ACOX3: variants seen among roughly 807,000 people sequenced by gnomAD.
The protein encoded by ACOX3 is peroxisomal acyl-coenzyme A oxidase 3.
In ACOX3, 73 loss-of-function variants were observed where a neutral mutation model predicts 81.5. The ratio of observed to expected loss-of-function variants is 0.90; its 90% CI spans 0.74 to 1.09. The LOEUF is 1.09. Among genes scored for constraint, ACOX3 ranks in the 50% least tolerant of loss-of-function variants. The probability of loss-of-function intolerance (pLI) is 0.00; values close to 1 mark genes in which losing one functional copy is unlikely to be tolerated. For missense variants in ACOX3, 947 were observed against 928.0 expected (o/e 1.02, Z -0.27); for synonymous variants, 387 against 375.1 (o/e 1.03, Z -0.37).
intron 5 of ACOX3, among the ~76,000 whole-genome samples, chr4:8,411,670 C>A (rs990990228): frequency 2.0e-5 from 3 of 152,258 alleles, no homozygotes; most frequent in African/African-American, 7.2e-5. Context: ...TTCCCACTGT[C>A]TCGACTGTCT....
chr4:8,413,118 T>C lies in ACOX3; in HGVS notation c.543+1174A>G, dbSNP rs1340687920. Among the ~76,000 whole-genome samples, 12 of 112,912 alleles carry C rather than the reference T, an allele frequency of 1.1e-4. 1 individual carries two copies. The highest frequency in any genetic ancestry group is 3.2e-4 in the African/African-American group (9 of 27,732). The allele number at this position is 112,912 out of a possible 152,430, so 74.1% of individuals were successfully genotyped here. ...CCAGGGCATCCATCTGTGGCCCATC[T>C]CACTGCACCCCTGCGCCCCTCCACA... On this transcript the variant is annotated intron_variant, in intron 5 of 17. Transcript: ENST00000356406.
chr4:8,427,845 G>T (rs1333254226), intron 1 of ACOX3, among the ~76,000 whole-genome samples: 3 of 152,192 alleles, frequency 2.0e-5, no homozygotes, highest in Non-Finnish European at 4.4e-5. Flanking sequence ...GGCGACACCT[G>T]GCTAGTGCCC....
In ACOX3 at chr4:8,410,276, A is replaced by G; in HGVS notation, c.623T>C (p.Val208Ala). The change falls in exon 6 of 18, where the codon GTG (valine) becomes GCG (alanine). Residue 208 changes from valine to alanine, a missense_variant. Transcript: ENST00000356406. ...TGGCACACACAGCTTAGCAAACACCACCGCGTGAGTGGCTGTCTTGCCCAT... is the reference window on the plus strand; with the variant it reads ...TGGCACACACAGCTTAGCAAACACCGCCGCGTGAGTGGCTGTCTTGCCCAT... Reference protein sequence around the residue: ...GNMGKTATHAVVFAKLCVPGD... With the variant: ...GNMGKTATHAAVFAKLCVPGD... 1 of 1,614,110 alleles carries G rather than the reference A, an allele frequency of 6.2e-7. No individual in the cohort carries two copies. The highest frequency in any genetic ancestry group is 8.5e-7 in the Non-Finnish European group (1 of 1,179,970).
chr4:8,365,116 G>A (rs1715337800), downstream of ACOX3, among the ~76,000 whole-genome samples: 1 of 152,218 alleles, frequency 6.6e-6, no homozygotes, highest in African/African-American at 2.4e-5. Flanking sequence ...GCCCACGCAG[G>A]CCCAACTGCT....
At chr4:8,421,959 C>A (rs975276070) in intron 1 of ACOX3, among the ~76,000 whole-genome samples, 32 of 152,206 alleles carry the variant, frequency 2.1e-4, no homozygotes, top group African/African-American at 7.7e-4. Context: ...GAATTGATGA[C>A]CCAGTACTTT....
rs143028175 is a variant in ACOX3 at position 8,384,491 on chromosome 4, C to G, written c.1538-2884G>C. Among the ~76,000 whole-genome samples, 123 of 152,294 alleles carry G rather than the reference C, an allele frequency of 8.1e-4. 1 individual carries two copies. The highest frequency in any genetic ancestry group is 2.7e-3 in the African/African-American group (114 of 41,570). ...GCTGGCGGCCTGAGGACACACCCAGCGTCAACAACCTCTGTCCTCAAGACT... is the reference window on the plus strand; with the variant it reads ...GCTGGCGGCCTGAGGACACACCCAGGGTCAACAACCTCTGTCCTCAAGACT... On this transcript the variant is annotated intron_variant, in intron 13 of 17. Transcript: ENST00000356406. This position sits in a 1 kb window ranked among gnomAD's most constrained non-coding sequence, Gnocchi z 5.3.
At chr4:8,439,132 G>T (rs1490267745) in intron 1 of ACOX3, 2 of 152,088 alleles carry the variant, frequency 1.3e-5, no homozygotes, top group Admixed American at 1.3e-4. Flanking sequence ...TTTTTCCCAG[G>T]TAAGGACCTC....
At chr4:8,396,772 T>G (rs1394542086) in intron 9 of ACOX3, among the ~76,000 whole-genome samples, 165 bp downstream of exon 9, 2 of 152,184 alleles carry the variant, frequency 1.3e-5, no homozygotes, top group Non-Finnish European at 2.9e-5. Context: ...AACCATTTGC[T>G]GGAAGCCTTG....
rs929752710 is a variant in ACOX3 at position 8,416,140 on chromosome 4, A to C, written c.145-141T>G. The stretch of plus-strand genomic sequence containing the variant: ...ACACCCAGACAGAGATATGACTATC[A>C]TTCCCAATGGACTAGAGGACTGGAG... On this transcript the variant is annotated intron_variant, in intron 2 of 17. Coordinates refer to ENST00000356406, the MANE Select transcript of ACOX3 (RefSeq NM_003501.3). The surrounding 1 kb of genome is among the most constrained non-coding windows in gnomAD (Gnocchi z 4.2). 9 of 1,002,296 alleles carry C rather than the reference A, an allele frequency of 9.0e-6. No individual in the cohort carries two copies. Among genetic ancestry groups the C allele is most frequent in the Non-Finnish European group, 1.3e-5 (9 of 674,036 alleles). The allele number at this position is 1,002,296 out of a possible 1,614,324, so 62.1% of individuals were successfully genotyped here.
chr4:8,368,750 A>G lies in ACOX3; in HGVS notation c.1984-1670T>C, dbSNP rs1257529876. 6.9e-6 allele frequency among the ~76,000 whole-genome samples: 1 copy of G among 145,904 alleles called. No individual in the cohort carries two copies. The highest frequency in any genetic ancestry group is 2.2e-4 in the South Asian group (1 of 4,624). On this transcript the variant is annotated intron_variant, in intron 17 of 17. Transcript: ENST00000356406. This position sits in a 1 kb window ranked among gnomAD's most constrained non-coding sequence, Gnocchi z 5.9. ...ATGCACTTTTTTTTTTTTTTTTGAG[A>G]TGAGGTCTCACCCTGTTGGCCAGGC...
intron 10 of ACOX3, among the ~76,000 whole-genome samples, chr4:8,393,752 G>A (rs948484073): frequency 6.6e-6 from 1 of 152,090 alleles, no homozygotes; most frequent in Non-Finnish European, 1.5e-5. Context: ...TTAAACCACT[G>A]AGTTTCAGAA....
Position 8,374,987 on chromosome 4 carries a change from G to A in ACOX3, c.1819C>T (p.Leu607Phe), listed in dbSNP as rs1167333094. The A allele has an allele frequency of 9.2e-6, 14 of 1,526,824 alleles. No homozygotes were observed. The Admixed American group carries it at 1.2e-4, about 13-fold the overall frequency. The allele number at this position is 1,526,824 out of a possible 1,614,324, so 94.6% of individuals were successfully genotyped here. The part of the protein sequence containing the change: ...LWSLSRHAAL[L>F]YRGGYFSGEQ... ...CAGTCAGAAGCCTCACCTCGGTAGA[G>A]CAGGGCCGCGTGGCGGCTCAGGGAC... The change falls in exon 15 of 18, where the codon CTC becomes TTC. Residue 607 changes from leucine to phenylalanine, a missense_variant. Transcript: ENST00000356406.
chr4:8,424,842 C>T (rs921674739), intron 1 of ACOX3, among the ~76,000 whole-genome samples: 1 of 152,166 alleles, frequency 6.6e-6, no homozygotes, highest in Non-Finnish European at 1.5e-5. Flanking sequence ...TGTATACTGA[C>T]GGAAGTTCCT....
chr4:8,385,296 CCCA>C lies in ACOX3; in HGVS notation c.1538-3692_1538-3690del, dbSNP rs774957164. On this transcript the variant is annotated intron_variant, in intron 13 of 17. Coordinates refer to ENST00000356406, the MANE Select transcript of ACOX3 (RefSeq NM_003501.3). The surrounding 1 kb of genome is among the most constrained non-coding windows in gnomAD (Gnocchi z 5.5). ...GCACTCCACGTGACCTCACCGCTCC[CCCA>C]CGTGACTCCACCGCTCACCTGTGAC... is the stretch of plus-strand genomic sequence containing the variant. 3.3e-5 allele frequency among the ~76,000 whole-genome samples: 5 copies of C among 152,036 alleles called. No individual in the cohort carries two copies. The highest frequency in any genetic ancestry group is 5.9e-5 in the Non-Finnish European group (4 of 67,994).
chr4:8,378,559 C>T (rs1258799195), intron 14 of ACOX3, among the ~76,000 whole-genome samples: 7 of 151,898 alleles, frequency 4.6e-5, no homozygotes, highest in African/African-American at 1.5e-4. Flanking sequence ...GGGACGCCAC[C>T]GCCCATCTTT....
chr4:8,435,638 T>C (rs1316657833), intron 1 of ACOX3, among the ~76,000 whole-genome samples: 1 of 152,254 alleles, frequency 6.6e-6, no homozygotes, highest in African/African-American at 2.4e-5. Flanking sequence ...ATCAATTCCT[T>C]TATATTGATT....
chr4:8,435,591 G>C (rs550052000), intron 1 of ACOX3, among the ~76,000 whole-genome samples: 1 of 152,320 alleles, frequency 6.6e-6, no homozygotes, highest in South Asian at 2.1e-4. Flanking sequence ...TGTATTTAAG[G>C]TGGTGACAGG....
rs1468503974 is a variant in ACOX3, at chr4:8,424,994, G to C, written c.-14-8459C>G. 1.2e-4 allele frequency among the ~76,000 whole-genome samples: 19 copies of C among 152,056 alleles called. 1 individual carries two copies. Among genetic ancestry groups the C allele is most frequent in the Admixed American group, 1.2e-3 (19 of 15,282 alleles). On this transcript the variant is annotated intron_variant, in intron 1 of 17. Transcript: ENST00000356406. ...ACTCAGGCACTAAAATTAGGAGAAG[G>C]AAAAAGGGTAAATATATACACAGAC...
At chr4:8,393,394 C>T (rs1164745847) in intron 10 of ACOX3, among the ~76,000 whole-genome samples, 1 of 129,526 alleles carries the variant, frequency 7.7e-6, no homozygotes, top group Non-Finnish European at 1.6e-5. Context: ...GAGGCTGAGG[C>T]AAGAGAATTG....
Sources: allele counts gnomAD v4.1 joint callset (sites outside exome capture counted in the v4.1 genomes callset), GRCh38; gene constraint gnomAD v4.1.1; non-coding constraint Gnocchi (gnomAD v3.1); transcripts MANE v1.5; gene names NCBI Gene and HGNC (gene_info 2026-07-23, HGNC 2026-07-21).